CDK2AP1: variants seen among roughly 807,000 people sequenced by gnomAD.
CDK2AP1 encodes the protein cyclin-dependent kinase 2-associated protein 1.
A neutral mutation model predicts 14.1 loss-of-function variants in CDK2AP1; 10 were observed. The observed-to-expected ratio is 0.71, with a 90% CI of 0.44 to 1.20. The LOEUF is 1.20. Ranked by LOEUF, CDK2AP1 falls within the 50% of genes most tolerant of loss-of-function variation. CDK2AP1 has a pLI of 0.00. For missense variants in CDK2AP1, 102 were observed against 149.9 expected (o/e 0.68, Z 1.67); for synonymous variants, 59 against 59.8 (o/e 0.99, Z 0.06).
rs1035198825 is a variant in CDK2AP1, at chr12:123,265,676, G to A, written c.154-354C>T. ...ATTCTAGGGGACAACTACAAGTTAG[G>A]GAGATGGTCCTCACCCTCCTATCCT... is the stretch of plus-strand genomic sequence containing the variant. On this transcript the variant is annotated intron_variant, in intron 2 of 3. Transcript: ENST00000261692. The surrounding 1 kb of genome is among the most constrained non-coding windows in gnomAD (Gnocchi z 5.3). Among the ~76,000 whole-genome samples the A allele has an allele frequency of 6.6e-6, 1 of 152,126 alleles. No homozygotes were observed. Among genetic ancestry groups the A allele is most frequent in the African/African-American group, 2.4e-5 (1 of 41,418 alleles).
Position 123,267,258 on chromosome 12 carries a change from G to A in CDK2AP1, c.80C>T (p.Thr27Ile), listed in dbSNP as rs1350966355. 1.2e-6 allele frequency: 2 copies of A among 1,612,718 alleles called. No individual in the cohort carries two copies. Among genetic ancestry groups the A allele is most frequent in the Non-Finnish European group, 8.5e-7 (1 of 1,178,954 alleles). The change falls in exon 2 of 4, where the codon ACC becomes ATC. Residue 27 changes from threonine (T) to isoleucine (I), a missense_variant. This residue lies in a region of CDK2AP1 where 50 missense variants were observed against 42.7 expected (regional missense o/e 1.17). Coordinates refer to ENST00000261692, the MANE Select transcript of CDK2AP1 (RefSeq NM_004642.4). The part of the protein sequence containing the change: ...NAAGSVHSPS[T>I]SMATSSQYRQ... ...GTACTGTGAAGACGTTGCCATGCTG[G>A]TGGAAGGCGAGTGGACACTCCCAGC...
chr12:123,270,355 T>G (rs2048343319), intron 1 of CDK2AP1: 1 of 170,906 alleles, frequency 5.9e-6, no homozygotes, highest in Admixed American at 6.5e-5. Flanking sequence ...TGTCCAAGAT[T>G]TTTTTTAGGT....
In CDK2AP1 at chr12:123,265,408, CAGG is replaced by C. The variant is rs944819999; in HGVS notation, c.154-89_154-87del. On this transcript the variant is annotated intron_variant, in intron 2 of 3. Coordinates refer to ENST00000261692, the MANE Select transcript of CDK2AP1 (RefSeq NM_004642.4). This position sits in a 1 kb window ranked among gnomAD's most constrained non-coding sequence, Gnocchi z 5.3. ...GTCCCAGTTACTCAGGAGGCTGAGGCAGGAGAACTGCTTGGACCCAGGAGGTGG... is the reference window on the plus strand; with the variant it reads ...GTCCCAGTTACTCAGGAGGCTGAGGCAGAACTGCTTGGACCCAGGAGGTGG... 6.7e-5 allele frequency: 90 copies of C among 1,347,236 alleles called. No individual in the cohort carries two copies. The African/African-American group carries it at 1.0e-3, about 15-fold the overall frequency. 83.5% of individuals were successfully genotyped at this position (1,347,236 alleles called of 1,614,324 possible).
In CDK2AP1 at chr12:123,268,241, C is replaced by A. The variant is rs551900545; in HGVS notation, c.56-959G>T. 1.3e-5 allele frequency: 13 copies of A among 985,550 alleles called. No individual in the cohort carries two copies. The East Asian group carries it at 1.1e-3, about 86-fold the overall frequency. 61.1% of individuals were successfully genotyped at this position (985,550 alleles called of 1,614,324 possible). ...GTCTCTCTCTCACACACACAGTGGG[C>A]GCCGCAGACTTGGCCTCGGGGACAG... On this transcript the variant is annotated intron_variant, in intron 1 of 3. Transcript: ENST00000261692.
At chr12:123,268,511 G>C (rs891561260) in intron 1 of CDK2AP1, among the ~76,000 whole-genome samples, 2 of 152,174 alleles carry the variant, frequency 1.3e-5, no homozygotes, top group Admixed American at 6.5e-5. Context: ...CTCCGAGAAC[G>C]GGGACCGTTC....
chr12:123,270,506 C>G (rs1040158770), intron 1 of CDK2AP1, among the ~76,000 whole-genome samples: 1 of 152,164 alleles, frequency 6.6e-6, no homozygotes, highest in South Asian at 2.1e-4. Context: ...TCCTTCCCCC[C>G]ATCCCGCCCC....
chr12:123,270,880 C>T (rs1465910548), intron 1 of CDK2AP1: 20 of 985,288 alleles, frequency 2.0e-5, no homozygotes, highest in Middle Eastern at 5.2e-4. Flanking sequence ...GTTCACTCCG[C>T]GCTCACCTTA....
At chr12:123,263,976 C>T (rs1285915004) in intron 3 of CDK2AP1, among the ~76,000 whole-genome samples, 9 of 152,054 alleles carry the variant, frequency 5.9e-5, no homozygotes, top group Non-Finnish European at 8.8e-5. Flanking sequence ...GGTATAGTGG[C>T]GCACGCCTGT....
intron 3 of CDK2AP1, among the ~76,000 whole-genome samples, chr12:123,264,159 T>A (rs1011305978): frequency 4.8e-5 from 7 of 146,264 alleles, no homozygotes; most frequent in Non-Finnish European, 9.0e-5. Flanking sequence ...CCAGCCTTTT[T>A]AAGAACCCCA....
At chr12:123,263,562 C>T (rs1320530372) in intron 3 of CDK2AP1, among the ~76,000 whole-genome samples, 1 of 152,206 alleles carries the variant, frequency 6.6e-6, no homozygotes, top group Non-Finnish European at 1.5e-5. Flanking sequence ...AGCCCTGGGA[C>T]CACCCAACTC....
In CDK2AP1 at chr12:123,265,224, G is replaced by C; in HGVS notation, c.252C>G (p.Ser84Arg). The change falls in exon 3 of 4, where the codon AGC becomes AGG. Residue 84 changes from serine (S) to arginine (R), a missense_variant. Physicochemically the swap from Ser to Arg is moderately radical, Grantham distance 110 (BLOSUM62 -1). Around this residue, in one of 2 missense-constraint regions of CDK2AP1, gnomAD observed 52 missense variants for 107.2 expected, o/e 0.48. Coordinates refer to ENST00000261692, the MANE Select transcript of CDK2AP1 (RefSeq NM_004642.4). The surrounding 1 kb of genome is among the most constrained non-coding windows in gnomAD (Gnocchi z 5.3). ...GKEIRPTYAG[S>R]KSAMERLKRG... ...GCTTCAGCCTCTCCATGGCACTCTT[G>C]CTCCCTGCGTACGTGGGTCTGATCT... 1 of 1,614,194 alleles carries C rather than the reference G, an allele frequency of 6.2e-7. No homozygotes were observed.
chr12:123,270,767 T>G (rs1222733734), intron 1 of CDK2AP1: 1 of 930,634 alleles, frequency 1.1e-6, no homozygotes, highest in Admixed American at 6.2e-5. Flanking sequence ...ATCGAGGGCC[T>G]TCCAGGGCCA....
chr12:123,261,863 T>C (rs2048236128), intron 3 of CDK2AP1, 60 bp from the exon 4 acceptor site: 5 of 1,133,908 alleles, frequency 4.4e-6, no homozygotes, highest in Middle Eastern at 1.9e-4. Context: ...GCAAAGCCCA[T>C]TCTGAAACAG....
chr12:123,265,357 G>A lies in CDK2AP1; in HGVS notation c.154-35C>T, dbSNP rs765135317. ...GAAAGAAATGGGTTCAGCAAAATCA[G>A]CCGGGCGTGGTGGTGCGTGCCTGTA... On this transcript the variant is annotated intron_variant, in intron 2 of 3. Coordinates refer to ENST00000261692, the MANE Select transcript of CDK2AP1 (RefSeq NM_004642.4). This position sits in a 1 kb window ranked among gnomAD's most constrained non-coding sequence, Gnocchi z 5.3. The A allele has an allele frequency of 3.8e-5, 61 of 1,612,772 alleles. No homozygotes were observed.
In CDK2AP1 at chr12:123,271,742, G is replaced by C. The variant is rs1026440856; in HGVS notation, c.-124C>G. 4.8e-6 allele frequency: 1 copy of C among 207,160 alleles called. No homozygotes were observed. The highest frequency in any genetic ancestry group is 8.2e-6 in the Non-Finnish European group (1 of 121,604). The allele number at this position is 207,160 out of a possible 1,614,324, so 12.8% of individuals were successfully genotyped here. On this transcript the variant is annotated 5_prime_UTR_variant, in exon 1 of 4. Coordinates refer to ENST00000261692, the MANE Select transcript of CDK2AP1 (RefSeq NM_004642.4). ...GTCCGAGCGCCCGCCGAGCGCCCGC[G>C]CACTTTTTGTTGTCGGCGGCTCGGG... is the stretch of plus-strand genomic sequence containing the variant.
chr12:123,264,494 G>GC (rs2048268650), intron 3 of CDK2AP1, among the ~76,000 whole-genome samples: 1 of 92,546 alleles, frequency 1.1e-5, no homozygotes, highest in Non-Finnish European at 2.2e-5. Context: ...AAAAAAAAGA[G>GC]CCCCAAGTCT....
intron 1 of CDK2AP1, chr12:123,268,164 T>C (rs2048316656): frequency 1.0e-6 from 1 of 981,700 alleles, no homozygotes; most frequent in Admixed American, 6.2e-5. Flanking sequence ...CCATGGAGAA[T>C]TTACCTAGTC....
chr12:123,269,781 C>T (rs1352732669), intron 1 of CDK2AP1, among the ~76,000 whole-genome samples: 1 of 151,960 alleles, frequency 6.6e-6, no homozygotes, highest in East Asian at 1.9e-4. Context: ...GGCTGCAGGG[C>T]GTGAGGGATG....
chr12:123,268,168 C>T, intron 1 of CDK2AP1: 1 of 983,414 alleles, frequency 1.0e-6, no homozygotes, highest in South Asian at 4.7e-5. Flanking sequence ...GGAGAATTTA[C>T]CTAGTCCTCC....
Sources: allele counts gnomAD v4.1 joint callset (sites outside exome capture counted in the v4.1 genomes callset), GRCh38; gene constraint gnomAD v4.1.1; regional missense constraint gnomAD v4.1.1; non-coding constraint Gnocchi (gnomAD v3.1); transcripts MANE v1.5; gene names NCBI Gene and HGNC (gene_info 2026-07-23, HGNC 2026-07-21).